RAI14: variants seen among roughly 807,000 people sequenced by gnomAD.
RAI14 encodes retinoic acid induced 14, also known as ankycorbin.
Under a neutral mutation model 115.4 loss-of-function variants are expected in RAI14, and 45 were observed. The ratio of observed to expected loss-of-function variants is 0.39; its 90% CI spans 0.31 to 0.50. RAI14 has a LOEUF of 0.50. Ranked by LOEUF, RAI14 falls within the 20% of genes least tolerant of loss-of-function variation. The pLI is 0.85. For synonymous variants in RAI14, 371 were observed against 415.4 expected (o/e 0.89, Z 1.30); for missense variants, 939 against 1,131.2 (o/e 0.83, Z 2.44).
intron 4 of RAI14, among the ~76,000 whole-genome samples, chr5:34,800,076 C>G (rs16867581): frequency 0.41 from 61,657 of 152,006 alleles, 12,942 homozygotes; most frequent in Admixed American, 0.53. Context: ...AGAGCAAAAC[C>G]CTGTCAGAAG....
intron 2 of RAI14, among the ~76,000 whole-genome samples, chr5:34,753,256 A>G (rs1747367676): frequency 6.6e-6 from 1 of 152,112 alleles, no homozygotes; most frequent in African/African-American, 2.4e-5. Flanking sequence ...AGTATGAATG[A>G]ATTACTTTGG....
chr5:34,754,044 G>A (rs1328908702), intron 2 of RAI14, among the ~76,000 whole-genome samples: 2 of 151,666 alleles, frequency 1.3e-5, no homozygotes. Flanking sequence ...TCGTGCCACT[G>A]CACTCCAGGC....
intron 2 of RAI14, among the ~76,000 whole-genome samples, chr5:34,743,010 A>T (rs1003933699): frequency 6.6e-6 from 1 of 152,178 alleles, no homozygotes; most frequent in African/African-American, 2.4e-5. Flanking sequence ...GATTTTGAAC[A>T]AACAGGAAAC....
intron 2 of RAI14, among the ~76,000 whole-genome samples, chr5:34,702,486 G>C (rs1338585286): frequency 2.6e-5 from 4 of 152,062 alleles, no homozygotes; most frequent in Admixed American, 1.3e-4. Flanking sequence ...CTCAGGCGGG[G>C]GGCAAGTGAG....
intron 14 of RAI14, 76 bp from the exon 15 acceptor site, chr5:34,822,880 G>C (rs1757041441): frequency 4.0e-6 from 5 of 1,263,302 alleles, no homozygotes; most frequent in Non-Finnish European, 3.3e-6. Flanking sequence ...GTAGAGACGG[G>C]GTTTCACCGT....
In RAI14 at chr5:34,824,404, A is replaced by G. The variant is rs199558233; in HGVS notation, c.2562A>G (p.Gln854=). The G allele has an allele frequency of 4.2e-4, 668 of 1,609,194 alleles. 4 individuals are homozygous for G. The East Asian group carries it at 0.013, about 31-fold the overall frequency. ...AGCAAGAAGTAAATGAACTTCTGCAAAAATTCCAGCAAGCTCAGGAAGAAC... is the reference window on the plus strand; with the variant it reads ...AGCAAGAAGTAAATGAACTTCTGCAGAAATTCCAGCAAGCTCAGGAAGAAC... ...SKEQEVNELL[Q]KFQQAQEELA... is the part of the protein sequence containing the mutation. Residue 854 remains glutamine, a synonymous_variant, in exon 15 of 18, where the codon CAA becomes CAG. Transcript: ENST00000265109.
intron 15 of RAI14, chr5:34,826,096 T>C (rs1757412541): frequency 6.7e-6 from 2 of 298,642 alleles, no homozygotes; most frequent in African/African-American, 2.2e-5. Flanking sequence ...TAATATGTAA[T>C]TCAAGGGCCT....
chr5:34,659,497 G>A (rs1742532054), intron 1 of RAI14, among the ~76,000 whole-genome samples: 2 of 152,154 alleles, frequency 1.3e-5, no homozygotes, highest in African/African-American at 4.8e-5. Flanking sequence ...TGAACTCTCA[G>A]CCTCAAGTGA....
At chr5:34,692,406 A>T (rs181928619) in intron 2 of RAI14, among the ~76,000 whole-genome samples, 192 of 152,130 alleles carry the variant, frequency 1.3e-3, no homozygotes, top group Non-Finnish European at 7.5e-4. Context: ...CCACACATAC[A>T]TGCACATACA....
intron 3 of RAI14, among the ~76,000 whole-genome samples, chr5:34,769,361 A>C (rs1265139056): frequency 6.6e-6 from 1 of 152,174 alleles, no homozygotes; most frequent in Non-Finnish European, 1.5e-5. Context: ...TCTACAGAGT[A>C]GAATTTAGTT....
At chr5:34,746,748 A>G (rs1437305581) in intron 2 of RAI14, among the ~76,000 whole-genome samples, 1 of 152,014 alleles carries the variant, frequency 6.6e-6, no homozygotes, top group African/African-American at 2.4e-5. Context: ...ACCCCCCTAA[A>G]AAGTTTAAAC....
At chr5:34,678,587 C>A (rs1450008841) in intron 1 of RAI14, among the ~76,000 whole-genome samples, 1 of 152,218 alleles carries the variant, frequency 6.6e-6, no homozygotes, top group Non-Finnish European at 1.5e-5. Flanking sequence ...AGGCGTCCAT[C>A]TACAGGCCAC....
chr5:34,700,280 A>G (rs1739898384), intron 2 of RAI14, among the ~76,000 whole-genome samples: 1 of 152,052 alleles, frequency 6.6e-6, no homozygotes, highest in Non-Finnish European at 1.5e-5. Flanking sequence ...GAATAACTGG[A>G]GGGCGGACTG....
chr5:34,721,813 C>A (rs547976913), intron 2 of RAI14, among the ~76,000 whole-genome samples: 1 of 152,098 alleles, frequency 6.6e-6, no homozygotes. Context: ...TGGGTTCAAG[C>A]GGTTCTCCTG....
chr5:34,757,619 G>T (rs759279344), intron 3 of RAI14, 21 bp downstream of exon 3: 2 of 1,589,282 alleles, frequency 1.3e-6, no homozygotes, highest in South Asian at 2.3e-5. Flanking sequence ...ACACTGGTTT[G>T]CAGATATGCT....
In RAI14 at chr5:34,698,320, A is replaced by G. The variant is rs191715747; in HGVS notation, c.36+11365A>G. Among the ~76,000 whole-genome samples the G allele has an allele frequency of 2.9e-3, 444 of 151,502 alleles. 2 individuals are homozygous for G. Among genetic ancestry groups the G allele is most frequent in the Non-Finnish European group, 4.6e-3 (309 of 67,912 alleles). On this transcript the variant is annotated intron_variant, in intron 2 of 17. Transcript: ENST00000265109. ...GATTAGGATAAAATCTGGCACAAAG[A>G]AACTTCTCAATAAATGGCAGCTGCT...
In RAI14 at chr5:34,811,123, T is replaced by C. The variant is rs199715182; in HGVS notation, c.557+5T>C. 3.3e-5 allele frequency: 54 copies of C among 1,613,738 alleles called. No individual in the cohort carries two copies. In the African/African-American group the frequency reaches 6.1e-4, roughly 18 times the overall value. ...TTCCAGGAACAAAAGTGGAAGGTAC[T>C]CCAGAATTAGGCAGAAATCATGTGA... On this transcript the variant is annotated splice_donor_5th_base_variant and intron_variant, in intron 8 of 17. Coordinates refer to ENST00000265109, the MANE Select transcript of RAI14 (RefSeq NM_015577.3).
intron 17 of RAI14, 123 bp from the exon 18 acceptor site, chr5:34,830,565 T>G (rs142254453): frequency 3.7e-5 from 55 of 1,492,124 alleles, no homozygotes; most frequent in Non-Finnish European, 4.9e-5. Context: ...GGGCTGACAT[T>G]CCTGTGAAAG....
chr5:34,689,830 G>A (rs375230126), intron 2 of RAI14, among the ~76,000 whole-genome samples: 1 of 152,152 alleles, frequency 6.6e-6, no homozygotes, highest in African/African-American at 2.4e-5. Context: ...AAGAGATCAC[G>A]CCATTGCACT....
Sources: allele counts gnomAD v4.1 joint callset (sites outside exome capture counted in the v4.1 genomes callset), GRCh38; gene constraint gnomAD v4.1.1; transcripts MANE v1.5; gene names NCBI Gene and HGNC (gene_info 2026-07-23, HGNC 2026-07-21).